Variants in PDGFC observed in about 807,000 individuals in gnomAD.
The protein encoded by PDGFC is platelet derived growth factor C.
Under a neutral mutation model 35.5 loss-of-function variants are expected in PDGFC, and 12 were observed. That is an observed-to-expected ratio of 0.34 (90% confidence interval 0.22 to 0.55). The LOEUF is 0.55. Among genes scored for constraint, PDGFC ranks in the 20% least tolerant of loss-of-function variants. The probability of loss-of-function intolerance (pLI) is 0.91; values close to 1 mark genes in which losing one functional copy is unlikely to be tolerated. For synonymous variants in PDGFC, 159 were observed against 148.8 expected, an observed-to-expected ratio of 1.07 and a Z score of -0.50; for missense variants, 322 against 412.4, an observed-to-expected ratio of 0.78 and a Z score of 1.90.
intron 1 of PDGFC, among the ~76,000 whole-genome samples, chr4:156,961,442 T>C (rs758394668): frequency 4.6e-5 from 7 of 152,136 alleles, no homozygotes; most frequent in African/African-American, 9.6e-5. Context: ...CATGCAAACA[T>C]TGAAATGCTT....
At chr4:156,950,029 T>C (rs1464953780) in intron 1 of PDGFC, among the ~76,000 whole-genome samples, 3 of 151,938 alleles carry the variant, frequency 2.0e-5, no homozygotes, top group East Asian at 3.9e-4. Context: ...AGGCTATATA[T>C]GCTATCAGAA....
intron 1 of PDGFC, chr4:156,861,472 C>A (rs1323053851): frequency 1.6e-6 from 2 of 1,261,660 alleles, no homozygotes; most frequent in African/African-American, 3.1e-5. Context: ...AGTCCAGATG[C>A]TTGGATATAG....
intron 1 of PDGFC, among the ~76,000 whole-genome samples, chr4:156,888,260 C>G (rs1284132263): frequency 6.6e-6 from 1 of 152,008 alleles, no homozygotes; most frequent in South Asian, 2.1e-4. Context: ...AAACATCATA[C>G]TCACCCTGGT....
intron 1 of PDGFC, among the ~76,000 whole-genome samples, chr4:156,867,680 T>A (rs960575868): frequency 2.6e-5 from 4 of 152,180 alleles, no homozygotes; most frequent in African/African-American, 9.7e-5. Flanking sequence ...GAGCTTCATA[T>A]TTTAAGTGAC....
chr4:156,857,884 G>A (rs1017478654), intron 1 of PDGFC, among the ~76,000 whole-genome samples: 17 of 151,900 alleles, frequency 1.1e-4, no homozygotes, highest in African/African-American at 3.6e-4. Context: ...CACAAAAGTG[G>A]GCAGATGTAC....
At chr4:156,938,580 C>A (rs1035596198) in intron 1 of PDGFC, among the ~76,000 whole-genome samples, 1 of 151,604 alleles carries the variant, frequency 6.6e-6, no homozygotes, top group African/African-American at 2.4e-5. Context: ...AAAAAACTGA[C>A]AAAACTCAGA....
chr4:156,827,557 C>T (rs1728807152), intron 2 of PDGFC, among the ~76,000 whole-genome samples: 1 of 151,980 alleles, frequency 6.6e-6, no homozygotes, highest in African/African-American at 2.4e-5. Flanking sequence ...ACTTCAGGTT[C>T]CTCTTCAGCA....
intron 1 of PDGFC, among the ~76,000 whole-genome samples, chr4:156,926,813 AG>A (rs1279795038): frequency 6.6e-6 from 1 of 152,110 alleles, no homozygotes; most frequent in African/African-American, 2.4e-5. Flanking sequence ...CTAGCATTCC[AG>A]GGTCTGGAGG....
chr4:156,843,246 CT>C (rs906847564), intron 2 of PDGFC, among the ~76,000 whole-genome samples: 6 of 152,304 alleles, frequency 3.9e-5, no homozygotes, highest in Non-Finnish European at 8.8e-5. Context: ...AGACAGTCAT[CT>C]TTGAACCAGG....
chr4:156,861,594 T>C, intron 1 of PDGFC: 1 of 388,282 alleles, frequency 2.6e-6, no homozygotes, highest in South Asian at 2.0e-5. Context: ...TAAAAAAATT[T>C]GAAGGATTGG....
intron 1 of PDGFC, among the ~76,000 whole-genome samples, chr4:156,858,596 A>G (rs1729638152): frequency 6.6e-6 from 1 of 152,102 alleles, no homozygotes; most frequent in Admixed American, 6.6e-5. Context: ...ATATTACAAA[A>G]GAAGCATTCA....
chr4:156,770,594 A>G (rs1730669061), intron 4 of PDGFC: 1 of 152,114 alleles, frequency 6.6e-6, no homozygotes, highest in South Asian at 2.1e-4. Context: ...CCTCTGCCAA[A>G]TATTTGTAAA....
At chr4:156,802,027 C>A (rs1369623589) in intron 3 of PDGFC, among the ~76,000 whole-genome samples, 1 of 152,172 alleles carries the variant, frequency 6.6e-6, no homozygotes, top group Admixed American at 6.5e-5. Context: ...TATTTTCCTA[C>A]CTGCCCCTTT....
chr4:156,929,905 G>C (rs1731511661), intron 1 of PDGFC, among the ~76,000 whole-genome samples: 1 of 152,054 alleles, frequency 6.6e-6, no homozygotes, highest in African/African-American at 2.4e-5. Flanking sequence ...GTGCAGCCCT[G>C]CTCAAAGGCC....
intron 1 of PDGFC, among the ~76,000 whole-genome samples, chr4:156,945,996 T>C (rs1481896243): frequency 6.6e-6 from 1 of 152,096 alleles, no homozygotes; most frequent in African/African-American, 2.4e-5. Flanking sequence ...TGGCAATAGT[T>C]ATCATGCCAA....
At chr4:156,928,263 G>A (rs1021907363) in intron 1 of PDGFC, among the ~76,000 whole-genome samples, 1 of 152,122 alleles carries the variant, frequency 6.6e-6, no homozygotes, top group South Asian at 2.1e-4. Flanking sequence ...ATCCGTCTAT[G>A]TGATTTTTTT....
At chr4:156,907,729 G>A (rs1730949443) in intron 1 of PDGFC, among the ~76,000 whole-genome samples, 1 of 152,140 alleles carries the variant, frequency 6.6e-6, no homozygotes, top group Non-Finnish European at 1.5e-5. Flanking sequence ...TGTGACTGGG[G>A]GTCCTTCACC....
chr4:156,863,770 A>G (rs1186295481), intron 1 of PDGFC, among the ~76,000 whole-genome samples: 1 of 152,116 alleles, frequency 6.6e-6, no homozygotes, highest in Non-Finnish European at 1.5e-5. Flanking sequence ...TAAATTTCAT[A>G]TTAACTTAGA....
At chr4:156,945,342 C>CATAT (rs201167463) in intron 1 of PDGFC, among the ~76,000 whole-genome samples, 260 of 80,984 alleles carry the variant, frequency 3.2e-3, no homozygotes, top group Non-Finnish European at 4.5e-3. Context: ...CATATACATA[C>CATAT]ATATATATAT....
Sources: allele counts gnomAD v4.1 joint callset (sites outside exome capture counted in the v4.1 genomes callset), GRCh38; gene constraint gnomAD v4.1.1; transcripts MANE v1.5; gene names NCBI Gene and HGNC (gene_info 2026-07-23, HGNC 2026-07-21).